ABTB2: variants seen among roughly 807,000 people sequenced by gnomAD.
The protein encoded by ABTB2 is ankyrin repeat and BTB/POZ domain-containing protein 2.
ABTB2 carries 56 observed loss-of-function variants against 104.1 expected under a neutral mutation model. The ratio of observed to expected loss-of-function variants is 0.54; its 90% CI spans 0.43 to 0.67. The LOEUF is 0.67. Ranked by LOEUF, ABTB2 falls within the 30% of genes least tolerant of loss-of-function variation. ABTB2 has a pLI of 0.00. For missense variants in ABTB2, 1,279 were observed against 1,407.7 expected (o/e 0.91, Z 1.46); for synonymous variants, 606 against 608.2 (o/e 1.00, Z 0.05).
chr11:34,200,995 G>A (rs1853329762), intron 2 of ABTB2, among the ~76,000 whole-genome samples: 2 of 152,146 alleles, frequency 1.3e-5, no homozygotes, highest in South Asian at 2.1e-4. Context: ...TAAAAATCGG[G>A]CTTGCATTTC....
chr11:34,357,336 T>C lies in ABTB2; in HGVS notation c.248A>G (p.Asp83Gly). 1 of 1,518,314 alleles carries C rather than the reference T, an allele frequency of 6.6e-7. No homozygotes were observed. The highest frequency in any genetic ancestry group is 1.4e-5 in the African/African-American group (1 of 71,840). The allele number at this position is 1,518,314 out of a possible 1,614,324, so 94.1% of individuals were successfully genotyped here. ...TVLPEDPEVA[D>G]LFSRCPRLPE... is the part of the protein sequence containing the mutation. ...GAGCCGCGGACAGCGCGAGAAGAGG[T>C]CGGCCACTTCGGGGTCCTCGGGCAG... is the stretch of plus-strand genomic sequence containing the variant. Residue 83 changes from aspartate (D) to glycine (G), a missense_variant, in exon 1 of 17, where the codon GAC (aspartate) becomes GGC (glycine). By Grantham distance (94) the Asp-to-Gly change is moderately conservative. Transcript: ENST00000435224.
intron 11 of ABTB2, 59 bp downstream of exon 11, chr11:34,160,844 G>A: frequency 6.6e-7 from 1 of 1,523,362 alleles, no homozygotes; most frequent in Non-Finnish European, 8.9e-7. Context: ...GTCCATCTGT[G>A]TGTCCCGTGG....
intron 12 of ABTB2, 98 bp downstream of exon 12, chr11:34,160,150 G>A (rs1166194071): frequency 3.8e-6 from 5 of 1,322,814 alleles, no homozygotes; most frequent in Admixed American, 3.7e-5. Flanking sequence ...GGGCCTTGGC[G>A]CTTGGAAATG....
intron 1 of ABTB2, among the ~76,000 whole-genome samples, chr11:34,236,681 A>G (rs1394572101): frequency 6.6e-6 from 1 of 152,210 alleles, no homozygotes; most frequent in African/African-American, 2.4e-5. Flanking sequence ...TGAGATGCCG[A>G]TACATCAGGC....
rs780472019 is a variant in ABTB2, at chr11:34,197,331, T to C, written c.1238A>G (p.Asn413Ser). 3 of 1,614,066 alleles carry C rather than the reference T, an allele frequency of 1.9e-6. No homozygotes were observed. The highest frequency in any genetic ancestry group is 1.3e-5 in the African/African-American group (1 of 75,038). ...NLDPPRMTLN[N>S]ERPFMLLPPL... is the part of the protein sequence containing the mutation. ...GCCCAAGGAAGATCCCTACCGTTCA[T>C]TGTTCAAGGTCATTCTCGGGGGGTC... Residue 413 changes from asparagine to serine, a missense_variant, in exon 3 of 17, where the codon AAT becomes AGT. Coordinates refer to ENST00000435224, the MANE Select transcript of ABTB2 (RefSeq NM_145804.3).
intron 2 of ABTB2, among the ~76,000 whole-genome samples, chr11:34,198,415 G>C (rs1301171502): frequency 6.6e-6 from 1 of 151,094 alleles, no homozygotes; most frequent in Non-Finnish European, 1.5e-5. Context: ...ACTGGTGACA[G>C]TGAGACTTTG....
At chr11:34,315,012 C>T (rs139532178) in intron 1 of ABTB2, among the ~76,000 whole-genome samples, 3 of 152,324 alleles carry the variant, frequency 2.0e-5, no homozygotes, top group Middle Eastern at 3.4e-3. Flanking sequence ...AGAAAGGCCG[C>T]TGCAGATTAT....
chr11:34,224,598 G>A lies in ABTB2; in HGVS notation c.884-19908C>T, dbSNP rs1853664141. ...AAGGCACCAGCTCATGAGTTAGGTG[G>A]ACCCAACCTTGCAGGGTGGCCTCCA... On this transcript the variant is annotated intron_variant, in intron 1 of 16. Coordinates refer to ENST00000435224, the MANE Select transcript of ABTB2 (RefSeq NM_145804.3). Among the ~76,000 whole-genome samples the A allele has an allele frequency of 3.3e-5, 5 of 152,230 alleles. No homozygotes were observed. The South Asian group carries it at 1.0e-3, about 32-fold the overall frequency.
chr11:34,189,491 C>T (rs1853145170), intron 3 of ABTB2, among the ~76,000 whole-genome samples: 1 of 152,090 alleles, frequency 6.6e-6, no homozygotes, highest in Non-Finnish European at 1.5e-5. Context: ...GTCCCAGCTA[C>T]TCAGGAGGTG....
chr11:34,338,943 G>A (rs949177971), intron 1 of ABTB2, among the ~76,000 whole-genome samples: 8 of 152,140 alleles, frequency 5.3e-5, no homozygotes, highest in South Asian at 4.1e-4. Context: ...CCCTTCCATC[G>A]TCTTGAAATC....
Position 34,356,391 on chromosome 11 carries a change from T to C in ABTB2, c.883+310A>G, listed in dbSNP as rs1263256906. 1.3e-5 allele frequency among the ~76,000 whole-genome samples: 2 copies of C among 152,176 alleles called. No homozygotes were observed. The highest frequency in any genetic ancestry group is 2.4e-5 in the African/African-American group (1 of 41,436). On this transcript the variant is annotated intron_variant, in intron 1 of 16. Coordinates refer to ENST00000435224, the MANE Select transcript of ABTB2 (RefSeq NM_145804.3). This position sits in a 1 kb window ranked among gnomAD's most constrained non-coding sequence, Gnocchi z 4.6. ...AAGAGCCACGGGGCAGTAAGTTTCA[T>C]TTCAAGAGAGGTTCAGGAATGGCTT...
At chr11:34,280,770 G>C (rs1323535107) in intron 1 of ABTB2, among the ~76,000 whole-genome samples, 1 of 152,104 alleles carries the variant, frequency 6.6e-6, no homozygotes. Context: ...TAATAAATGC[G>C]GATGCTCAGG....
chr11:34,238,936 G>A (rs570905293), intron 1 of ABTB2, among the ~76,000 whole-genome samples: 25 of 152,188 alleles, frequency 1.6e-4, no homozygotes, highest in African/African-American at 5.8e-4. Context: ...TGTATTTTTA[G>A]TAGAGACGGG....
chr11:34,295,267 C>T (rs1327068720), intron 1 of ABTB2, among the ~76,000 whole-genome samples: 1 of 152,082 alleles, frequency 6.6e-6, no homozygotes, highest in Non-Finnish European at 1.5e-5. Flanking sequence ...GGGAGAAGTA[C>T]AGGAGCAATG....
At chr11:34,355,246 G>C (rs1590268724) in intron 1 of ABTB2, among the ~76,000 whole-genome samples, 1 of 151,834 alleles carries the variant, frequency 6.6e-6, no homozygotes, top group East Asian at 1.9e-4. Context: ...TAAGATCTGA[G>C]AGCTATAGTC....
At chr11:34,234,433 AT>A (rs1380369512) in intron 1 of ABTB2, among the ~76,000 whole-genome samples, 1 of 152,120 alleles carries the variant, frequency 6.6e-6, no homozygotes, top group East Asian at 1.9e-4. Context: ...CATCAGGGAG[AT>A]TCCTGGGTTA....
chr11:34,283,687 T>C (rs1404539158), intron 1 of ABTB2, among the ~76,000 whole-genome samples: 1 of 152,172 alleles, frequency 6.6e-6, no homozygotes, highest in Non-Finnish European at 1.5e-5. Context: ...CCAGCCAGCA[T>C]AGAGGGTAGC....
intron 1 of ABTB2, among the ~76,000 whole-genome samples, chr11:34,298,374 A>G (rs1160107449): frequency 2.0e-5 from 3 of 151,750 alleles, no homozygotes; most frequent in African/African-American, 7.3e-5. Context: ...AAAGTTATAG[A>G]AAGAAACCTG....
intron 3 of ABTB2, among the ~76,000 whole-genome samples, chr11:34,195,184 A>G (rs1853240306): frequency 1.3e-5 from 2 of 151,612 alleles, no homozygotes. Context: ...AGGCCTGAAG[A>G]AGGCGCCTGT....
Sources: allele counts gnomAD v4.1 joint callset (sites outside exome capture counted in the v4.1 genomes callset), GRCh38; gene constraint gnomAD v4.1.1; non-coding constraint Gnocchi (gnomAD v3.1); transcripts MANE v1.5; gene names NCBI Gene and HGNC (gene_info 2026-07-23, HGNC 2026-07-21).